The following EFR3A variants were observed in gnomAD, a reference collection of about 807,000 sequenced individuals.
The protein encoded by EFR3A is protein EFR3 homolog A.
A neutral mutation model predicts 104.4 loss-of-function variants in EFR3A; 76 were observed. The ratio of observed to expected loss-of-function variants is 0.73; its 90% CI spans 0.60 to 0.88. EFR3A has a LOEUF of 0.88. Among genes scored for constraint, EFR3A ranks in the 40% least tolerant of loss-of-function variants. EFR3A has a pLI of 0.00. For synonymous variants in EFR3A, 330 were observed against 330.0 expected (o/e 1.00, Z 0.00); for missense variants, 985 against 1,012.5 (o/e 0.97, Z 0.37).
At position 131,911,160 on chromosome 8, in the gene EFR3A, C is replaced by CGAGA. The variant is rs1240291787; in HGVS notation, c.10+6838_10+6839insGAGA. On this transcript the variant is annotated intron_variant, in intron 1 of 22. Coordinates refer to ENST00000254624, the MANE Select transcript of EFR3A (RefSeq NM_015137.6). ...AAGATGGAAAAATGAAGTAAATCACCACAGTGGCAGTTCTCTGAGAAAAGC... is the reference window on the plus strand; with the variant it reads ...AAGATGGAAAAATGAAGTAAATCACCGAGAACAGTGGCAGTTCTCTGAGAAAAGC... 2.6e-5 allele frequency among the ~76,000 whole-genome samples: 4 copies of CGAGA among 152,176 alleles called. No individual in the cohort carries two copies. The East Asian group carries it at 7.7e-4, about 29-fold the overall frequency.
intron 7 of EFR3A, among the ~76,000 whole-genome samples, chr8:131,958,842 C>G (rs1275619938): frequency 1.3e-5 from 2 of 152,166 alleles, no homozygotes; most frequent in Non-Finnish European, 2.9e-5. Flanking sequence ...TTATCAAGTG[C>G]TGGCTGCGCC....
chr8:131,947,528 C>CG (rs1554596036), intron 4 of EFR3A, among the ~76,000 whole-genome samples: 449 of 141,462 alleles, frequency 3.2e-3, no homozygotes, highest in African/African-American at 0.011. Flanking sequence ...AGTCCAGTTC[C>CG]TTTTTTTTTT....
rs149484187 is a variant in EFR3A, at chr8:131,944,633, T to C, written c.88-112T>C. 10 of 1,073,008 alleles carry C rather than the reference T, an allele frequency of 9.3e-6. No individual in the cohort carries two copies. The East Asian group carries it at 2.7e-4, about 29-fold the overall frequency. The allele number at this position is 1,073,008 out of a possible 1,614,324, so 66.5% of individuals were successfully genotyped here. On this transcript the variant is annotated intron_variant, in intron 2 of 22. Coordinates refer to ENST00000254624, the MANE Select transcript of EFR3A (RefSeq NM_015137.6). Reference sequence around the variant, plus strand: ...AGGTTATGTGCAGAAGGGTTCTACATAAATATCGTTTAATCCCCAATCCAG... The same window carrying C: ...AGGTTATGTGCAGAAGGGTTCTACACAAATATCGTTTAATCCCCAATCCAG...
At chr8:131,930,835 C>G (rs1817561725) in intron 1 of EFR3A, among the ~76,000 whole-genome samples, 1 of 152,040 alleles carries the variant, frequency 6.6e-6, no homozygotes, top group Non-Finnish European at 1.5e-5. Context: ...ATTTGGTCTC[C>G]TGGTTCTTTA....
intron 1 of EFR3A, among the ~76,000 whole-genome samples, chr8:131,936,290 T>G (rs963318040): frequency 2.0e-5 from 3 of 152,120 alleles, no homozygotes; most frequent in South Asian, 2.1e-4. Context: ...ACTGCTTGCT[T>G]CTTCTACTAT....
chr8:131,980,948 G>A (rs1820577133), intron 14 of EFR3A, among the ~76,000 whole-genome samples: 1 of 151,654 alleles, frequency 6.6e-6, no homozygotes, highest in South Asian at 2.1e-4. Flanking sequence ...CTAGCATAAT[G>A]TCCTCCAGGT....
intron 8 of EFR3A, among the ~76,000 whole-genome samples, chr8:131,966,318 G>A (rs967362831): frequency 6.6e-6 from 1 of 151,980 alleles, no homozygotes; most frequent in Non-Finnish European, 1.5e-5. Flanking sequence ...GAGTAATTAC[G>A]GTGAACCTAC....
intron 3 of EFR3A, among the ~76,000 whole-genome samples, chr8:131,945,257 A>G (rs1818382247): frequency 6.6e-6 from 1 of 151,918 alleles, no homozygotes; most frequent in African/African-American, 2.4e-5. Context: ...TTTTTTTCAC[A>G]CAGCTTCAGT....
intron 8 of EFR3A, among the ~76,000 whole-genome samples, chr8:131,962,728 A>G (rs1382956422): frequency 6.6e-6 from 1 of 152,220 alleles, no homozygotes; most frequent in Non-Finnish European, 1.5e-5. Context: ...CCTAATAGAC[A>G]TCTACAAAAC....
chr8:131,944,681 A>C, intron 2 of EFR3A, 64 bp from the exon 3 acceptor site: 1 of 1,448,690 alleles, frequency 6.9e-7, no homozygotes, highest in Non-Finnish European at 9.2e-7. Flanking sequence ...TAAAGCAGGC[A>C]ACACTTAAAA....
chr8:131,995,206 A>T (rs1821412409), intron 18 of EFR3A, among the ~76,000 whole-genome samples: 1 of 152,126 alleles, frequency 6.6e-6, no homozygotes, highest in African/African-American at 2.4e-5. Flanking sequence ...GCAGACTGAG[A>T]CTATCCGATG....
chr8:132,008,209 A>G (rs1235054074), intron 22 of EFR3A, among the ~76,000 whole-genome samples: 2 of 152,088 alleles, frequency 1.3e-5, no homozygotes, highest in Non-Finnish European at 2.9e-5. Context: ...AACCCCTACA[A>G]CTGAAAAATA....
At chr8:131,911,188 CCTAA>C (rs1242925973) in intron 1 of EFR3A, among the ~76,000 whole-genome samples, 3 of 151,882 alleles carry the variant, frequency 2.0e-5, no homozygotes, top group Non-Finnish European at 4.4e-5. Flanking sequence ...AGAAAAGCAC[CCTAA>C]CTGAGGTTGT....
chr8:131,997,862 G>A (rs535392907), intron 19 of EFR3A, among the ~76,000 whole-genome samples: 19 of 152,114 alleles, frequency 1.2e-4, no homozygotes, highest in South Asian at 1.0e-3. Flanking sequence ...GAGAACACTT[G>A]AAACTGTTGG....
chr8:131,948,657 C>A (rs559684985), intron 4 of EFR3A, among the ~76,000 whole-genome samples: 16 of 152,150 alleles, frequency 1.1e-4, no homozygotes, highest in African/African-American at 3.9e-4. Context: ...CCGGAAATTT[C>A]TTTACTTTCA....
chr8:131,995,264 T>G (rs1417439181), intron 18 of EFR3A, among the ~76,000 whole-genome samples: 1 of 152,192 alleles, frequency 6.6e-6, no homozygotes. Flanking sequence ...TGAATCAGCC[T>G]CTAATTCTAT....
At chr8:131,964,363 C>T (rs1819572985) in intron 8 of EFR3A, among the ~76,000 whole-genome samples, 1 of 152,114 alleles carries the variant, frequency 6.6e-6, no homozygotes, top group African/African-American at 2.4e-5. Context: ...TGATAAGCAA[C>T]TTCAGCAAAG....
intron 9 of EFR3A, 130 bp downstream of exon 9, chr8:131,968,560 T>A (rs1819888000): frequency 9.7e-7 from 1 of 1,029,542 alleles, no homozygotes; most frequent in African/African-American, 1.6e-5. Flanking sequence ...ATAATTTTTT[T>A]TGAAATTTGG....
chr8:131,933,574 C>G (rs189357364), intron 1 of EFR3A, among the ~76,000 whole-genome samples: 29 of 152,004 alleles, frequency 1.9e-4, no homozygotes, highest in Non-Finnish European at 3.7e-4. Context: ...TGGGATTATT[C>G]TGTATTTTAT....
Sources: gnomAD v4.1 joint callset for allele counts (sites outside exome capture counted in the v4.1 genomes callset) on GRCh38, gnomAD v4.1.1 for gene constraint, MANE v1.5 for transcripts, NCBI Gene and HGNC (gene_info 2026-07-23, HGNC 2026-07-21) for gene names.